LARP1: variants seen among roughly 807,000 people sequenced by gnomAD.
LARP1 encodes the protein La ribonucleoprotein 1, translational regulator, also known as la-related protein 1.
A neutral mutation model predicts 122.7 loss-of-function variants in LARP1; 36 were observed. The ratio of observed to expected loss-of-function variants is 0.29; its 90% confidence interval spans 0.22 to 0.39. The LOEUF (loss-of-function observed/expected upper bound fraction) is 0.39. Among genes scored for constraint, LARP1 ranks in the 10% least tolerant of loss-of-function variants. The pLI is 1.00. For missense variants in LARP1, 1,040 were observed against 1,403.6 expected (o/e 0.74, Z 4.14); for synonymous variants, 539 against 528.7 (o/e 1.02, Z -0.27).
chr5:154,795,422 G>A, intron 8 of LARP1, 103 bp downstream of exon 8: 1 of 1,180,488 alleles, frequency 8.5e-7, no homozygotes, highest in East Asian at 2.5e-5. Context: ...ATCATCTGAT[G>A]ACTTCTGCTG....
At chr5:154,743,302 ATTC>A (rs1277755366) in intron 1 of LARP1, among the ~76,000 whole-genome samples, 1 of 141,190 alleles carries the variant, frequency 7.1e-6, no homozygotes, top group East Asian at 1.9e-4. Context: ...ATAGTTTATT[ATTC>A]TTATTTATTT....
chr5:154,804,652 T>A (rs1457425966), intron 14 of LARP1: 3 of 409,956 alleles, frequency 7.3e-6, no homozygotes, highest in Non-Finnish European at 1.4e-5. Flanking sequence ...GAGCCTACTA[T>A]GTCTTGGGAG....
intron 1 of LARP1, among the ~76,000 whole-genome samples, chr5:154,760,873 C>CAA (rs1332864646): frequency 3.3e-5 from 5 of 152,088 alleles, no homozygotes; most frequent in African/African-American, 1.2e-4. Flanking sequence ...GATTCTTGAC[C>CAA]AAATGTCCAA....
intron 1 of LARP1, among the ~76,000 whole-genome samples, chr5:154,702,509 C>T (rs925143725): frequency 1.3e-5 from 2 of 151,138 alleles, no homozygotes; most frequent in Non-Finnish European, 3.0e-5. Flanking sequence ...TGAGCCAAGA[C>T]CATGCCATTG....
At chr5:154,686,720 G>A (rs1395985696) in intron 1 of LARP1, among the ~76,000 whole-genome samples, 1 of 152,130 alleles carries the variant, frequency 6.6e-6, no homozygotes, top group Non-Finnish European at 1.5e-5. Context: ...CTTTGGAGAT[G>A]GCCGACAGAC....
intron 1 of LARP1, among the ~76,000 whole-genome samples, chr5:154,728,477 TG>T (rs1204733583): frequency 2.6e-5 from 4 of 152,176 alleles, no homozygotes; most frequent in Non-Finnish European, 4.4e-5. Flanking sequence ...CAAGAGGACT[TG>T]CGTTTTCGGT....
Position 154,803,660 on chromosome 5 carries a change from C to T in LARP1, c.2354C>T (p.Thr785Ile). 2 of 1,614,220 alleles carry T rather than the reference C, an allele frequency of 1.2e-6. No individual in the cohort carries two copies. The highest frequency in any genetic ancestry group is 8.5e-7 in the Non-Finnish European group (1 of 1,180,048). ...TACCGCAACACCAGGACCCCTCGCACTCCCCGGACACCACAGCTCAAAGAC... is the reference window on the plus strand; with the variant it reads ...TACCGCAACACCAGGACCCCTCGCATTCCCCGGACACCACAGCTCAAAGAC... The part of the protein sequence containing the change: ...PNYRNTRTPR[T>I]PRTPQLKDSS... Residue 785 changes from threonine to isoleucine, a missense_variant, in exon 13 of 19, where the codon ACT (threonine) becomes ATT (isoleucine). Around this residue, in one of 8 missense-constraint regions of LARP1, gnomAD observed 362 missense variants for 533.1 expected, o/e 0.68. Coordinates refer to ENST00000518297, the MANE Select transcript of LARP1 (RefSeq NM_033551.3). This position sits in a 1 kb window ranked among gnomAD's most constrained non-coding sequence, Gnocchi z 4.4.
chr5:154,749,398 C>G (rs1369975764), intron 1 of LARP1, among the ~76,000 whole-genome samples: 1 of 152,198 alleles, frequency 6.6e-6, no homozygotes, highest in Non-Finnish European at 1.5e-5. Context: ...CCGTCCTCCT[C>G]CTTGACCACC....
chr5:154,801,843 A>G (rs1239234988), intron 10 of LARP1, among the ~76,000 whole-genome samples, 164 bp from the exon 11 acceptor site: 2 of 152,212 alleles, frequency 1.3e-5, no homozygotes, highest in South Asian at 2.1e-4. Context: ...TCATAGTCAT[A>G]AAGCTGACTC....
In LARP1 at chr5:154,816,059, T is replaced by A. The variant is rs1447898766; in HGVS notation, c.*1963T>A. 1.3e-5 allele frequency: 2 copies of A among 152,604 alleles called. No homozygotes were observed. Among genetic ancestry groups the A allele is most frequent in the Non-Finnish European group, 2.9e-5 (2 of 68,056 alleles). The allele number at this position is 152,604 out of a possible 1,614,324, so 9.5% of individuals were successfully genotyped here. ...CTTGCCCTTTACCTTGGGCACCTTG[T>A]TAATTTTTAGCCTGTGCCCTTCCCC... On this transcript the variant is annotated 3_prime_UTR_variant, in exon 19 of 19. Transcript: ENST00000518297.
Position 154,799,257 on chromosome 5 carries a change from C to A in LARP1, c.1378-334C>A, listed in dbSNP as rs534052202. Among the ~76,000 whole-genome samples the A allele has an allele frequency of 2.8e-4, 42 of 152,240 alleles. 1 individual carries two copies. The South Asian group carries it at 8.1e-3, about 29-fold the overall frequency. On this transcript the variant is annotated intron_variant, in intron 8 of 18. Coordinates refer to ENST00000518297, the MANE Select transcript of LARP1 (RefSeq NM_033551.3). ...ATGGCAAGTTAGGTATTTTATAGTT[C>A]TTTTTCTACTCTAGTTTTACTGTGA...
intron 1 of LARP1, among the ~76,000 whole-genome samples, chr5:154,700,589 G>A (rs949550731): frequency 6.6e-6 from 1 of 152,076 alleles, no homozygotes; most frequent in Non-Finnish European, 1.5e-5. Flanking sequence ...AGATGATGTT[G>A]TTGTTGTGGT....
intron 1 of LARP1, among the ~76,000 whole-genome samples, chr5:154,776,450 C>G (rs1043889136): frequency 1.3e-5 from 2 of 152,154 alleles, no homozygotes; most frequent in African/African-American, 4.8e-5. Flanking sequence ...TCTCTTCTGG[C>G]TGCTGTTTGT....
intron 14 of LARP1, chr5:154,804,975 T>C: frequency 6.4e-5 from 29 of 453,272 alleles, no homozygotes; most frequent in South Asian, 4.5e-4. Flanking sequence ...TGTATAACTT[T>C]TGACTCTCCA....
At chr5:154,788,857 G>A (rs1339784706) in intron 1 of LARP1, among the ~76,000 whole-genome samples, 2 of 152,036 alleles carry the variant, frequency 1.3e-5, no homozygotes, top group Non-Finnish European at 2.9e-5. Context: ...CTTACATGTC[G>A]TTCTAGAGTT....
At chr5:154,743,058 G>A (rs1233663122) in intron 1 of LARP1, among the ~76,000 whole-genome samples, 2 of 152,134 alleles carry the variant, frequency 1.3e-5, no homozygotes, top group Non-Finnish European at 2.9e-5. Flanking sequence ...TAAAGTCTTG[G>A]AGATGACCTA....
rs540487141 is a variant in LARP1, at chr5:154,802,442, T to C, written c.2109+43T>C. On this transcript the variant is annotated intron_variant, in intron 11 of 18. Transcript: ENST00000518297. The surrounding 1 kb of genome is among the most constrained non-coding windows in gnomAD (Gnocchi z 5.1). ...CAGTGAGTGTGGAGCCTGGTGTGCCTGTATTGTACGGAGAAGAGGAAGCCT... is the reference window on the plus strand; with the variant it reads ...CAGTGAGTGTGGAGCCTGGTGTGCCCGTATTGTACGGAGAAGAGGAAGCCT... 2.4e-5 allele frequency: 37 copies of C among 1,534,824 alleles called. No homozygotes were observed. The highest frequency in any genetic ancestry group is 4.0e-5 in the Admixed American group (2 of 49,386).
At chr5:154,716,223 G>A (rs921762370) in intron 1 of LARP1, among the ~76,000 whole-genome samples, 4 of 152,134 alleles carry the variant, frequency 2.6e-5, no homozygotes, top group Non-Finnish European at 4.4e-5. Context: ...GGGCTCAAGC[G>A]ATTCTTGTGC....
intron 1 of LARP1, among the ~76,000 whole-genome samples, chr5:154,724,049 A>G (rs1756051409): frequency 6.6e-6 from 1 of 152,224 alleles, no homozygotes; most frequent in African/African-American, 2.4e-5. Context: ...GAATCCTGCC[A>G]GAGGCAACCA....
Sources: gnomAD v4.1 joint callset for allele counts (sites outside exome capture counted in the v4.1 genomes callset) on GRCh38, gnomAD v4.1.1 for gene constraint, gnomAD v4.1.1 regional missense constraint, Gnocchi (gnomAD v3.1) non-coding constraint, MANE v1.5 for transcripts, NCBI Gene and HGNC (gene_info 2026-07-23, HGNC 2026-07-21) for gene names.